The following PPP1R12B variants were observed in gnomAD, a reference collection of about 807,000 sequenced individuals.
PPP1R12B encodes protein phosphatase 1 regulatory subunit 12B, also known as myosin phosphatase target subunit 2.
In PPP1R12B, 76 loss-of-function variants were observed where a neutral mutation model predicts 126.1. The ratio of observed to expected loss-of-function variants is 0.60; its 90% CI spans 0.50 to 0.73. PPP1R12B has a LOEUF of 0.73. PPP1R12B is among the 30% of genes least tolerant of loss of function. The probability of loss-of-function intolerance (pLI) is 0.00; values close to 1 mark genes in which losing one functional copy is unlikely to be tolerated. For synonymous variants in PPP1R12B, 356 were observed against 434.7 expected, an observed-to-expected ratio of 0.82 and a Z score of 2.25; for missense variants, 1,052 against 1,205.1, an observed-to-expected ratio of 0.87 and a Z score of 1.88.
chr1:202,499,493 A>C (rs1022624330), intron 18 of PPP1R12B, among the ~76,000 whole-genome samples: 1 of 152,164 alleles, frequency 6.6e-6, no homozygotes, highest in African/African-American at 2.4e-5. Flanking sequence ...GGGCTCAAAC[A>C]GTCCTCCTGC....
rs1396939318 is a variant in PPP1R12B at position 202,508,659 on chromosome 1, G to A, written c.2490+11837G>A. On this transcript the variant is annotated intron_variant, in intron 18 of 23. Transcript: ENST00000608999. This position sits in a 1 kb window ranked among gnomAD's most constrained non-coding sequence, Gnocchi z 4.5. The stretch of plus-strand genomic sequence containing the variant: ...CTTTCAAAAGTGATATGCCAAATGG[G>A]CGAAACATGGGGCTGTTTATGGTGA... Among the ~76,000 whole-genome samples, 2 of 152,178 alleles carry A rather than the reference G, an allele frequency of 1.3e-5. No homozygotes were observed. The highest frequency in any genetic ancestry group is 1.9e-4 in the East Asian group (1 of 5,196).
chr1:202,437,340 A>C (rs934829907), intron 9 of PPP1R12B, among the ~76,000 whole-genome samples: 5 of 152,174 alleles, frequency 3.3e-5, no homozygotes, highest in Non-Finnish European at 5.9e-5. Flanking sequence ...TCAAAAAAAT[A>C]AAAATAAAAG....
At chr1:202,559,043 T>C (rs1687252762) in intron 19 of PPP1R12B, 150 bp downstream of exon 19, 22 of 836,548 alleles carry the variant, frequency 2.6e-5, no homozygotes, top group Middle Eastern at 4.9e-4. Context: ...ATTCAGACTT[T>C]TATTACCTCC....
intron 23 of PPP1R12B, chr1:202,576,169 A>G (rs963070794): frequency 6.6e-6 from 1 of 152,224 alleles, no homozygotes; most frequent in Admixed American, 6.5e-5. Flanking sequence ...TTTGCAAAGG[A>G]TATGGCAGGC....
intron 18 of PPP1R12B, among the ~76,000 whole-genome samples, chr1:202,521,376 A>G (rs1275971508): frequency 6.6e-6 from 1 of 152,176 alleles, no homozygotes; most frequent in Non-Finnish European, 1.5e-5. Flanking sequence ...AAGAGAACCC[A>G]ACAAATGAGA....
intron 20 of PPP1R12B, 90 bp from the exon 21 acceptor site, chr1:202,564,353 C>A: frequency 1.1e-6 from 1 of 913,948 alleles, no homozygotes; most frequent in Non-Finnish European, 1.7e-6. Flanking sequence ...ATAGTGGTGG[C>A]TTGGGGCACA....
chr1:202,476,181 G>A (rs1676620218), intron 13 of PPP1R12B, among the ~76,000 whole-genome samples: 2 of 148,868 alleles, frequency 1.3e-5, no homozygotes, highest in Admixed American at 6.7e-5. Context: ...CTCCAGCTTG[G>A]GCAACAGAGT....
chr1:202,373,753 T>G (rs1034678277), intron 1 of PPP1R12B, among the ~76,000 whole-genome samples: 35 of 152,162 alleles, frequency 2.3e-4, no homozygotes, highest in African/African-American at 8.0e-4. Context: ...TAAGGAATTT[T>G]CTTATTTCTA....
Position 202,416,842 on chromosome 1 carries a change from A to G in PPP1R12B, c.347A>G (p.Asn116Ser), listed in dbSNP as rs771903776. 25 of 1,613,966 alleles carry G rather than the reference A, an allele frequency of 1.5e-5. No individual in the cohort carries two copies. The highest frequency in any genetic ancestry group is 2.1e-5 in the Non-Finnish European group (25 of 1,179,974). Reference protein sequence around the residue: ...MVKFLVENRANVNQQDNEGWT... With the variant: ...MVKFLVENRASVNQQDNEGWT... ...AAGTTTCTGGTGGAGAACAGAGCCAATGTAAACCAGCAAGACAACGAGGGC... is the reference window on the plus strand; with the variant it reads ...AAGTTTCTGGTGGAGAACAGAGCCAGTGTAAACCAGCAAGACAACGAGGGC... The change falls in exon 2 of 24, where the codon AAT (asparagine) becomes AGT (serine). Residue 116 changes from asparagine to serine, a missense_variant. Transcript: ENST00000608999.
chr1:202,425,531 A>G, intron 3 of PPP1R12B, 35 bp from the exon 4 acceptor site: 7 of 1,604,556 alleles, frequency 4.4e-6, no homozygotes, highest in Non-Finnish European at 5.1e-6. Context: ...GTGGAGCTTT[A>G]GTAATCCTGG....
At chr1:202,429,125 G>A (rs1237309816) in intron 6 of PPP1R12B, among the ~76,000 whole-genome samples, 196 bp downstream of exon 6, 1 of 152,082 alleles carries the variant, frequency 6.6e-6, no homozygotes, top group Admixed American at 6.6e-5. Flanking sequence ...TATTGTTCAG[G>A]TTTTTTGCTC....
chr1:202,381,434 G>GTGTGTGTGTGTGTGTGTATA (rs71142528), intron 1 of PPP1R12B, among the ~76,000 whole-genome samples: 1 of 131,128 alleles, frequency 7.6e-6, no homozygotes, highest in Non-Finnish European at 1.6e-5. Flanking sequence ...GTGTGTGTGT[G>GTGTGTGTGTGTGTGTGTATA]TGTATCATCC....
chr1:202,532,336 C>A (rs1158686701), intron 18 of PPP1R12B, among the ~76,000 whole-genome samples: 1 of 152,134 alleles, frequency 6.6e-6, no homozygotes, highest in African/African-American at 2.4e-5. Flanking sequence ...TCTTTGTGAC[C>A]TGTATCTTGT....
At chr1:202,367,247 G>A (rs909691792) in intron 1 of PPP1R12B, among the ~76,000 whole-genome samples, 1 of 152,144 alleles carries the variant, frequency 6.6e-6, no homozygotes, top group Non-Finnish European at 1.5e-5. Flanking sequence ...GTTATGTTTA[G>A]TTAGTAAAGC....
At chr1:202,564,152 A>T (rs1687824586) in intron 20 of PPP1R12B, among the ~76,000 whole-genome samples, 1 of 152,168 alleles carries the variant, frequency 6.6e-6, no homozygotes. Flanking sequence ...CCAAAAAAAA[A>T]TTGTCTTTTT....
At chr1:202,435,388 CT>C (rs2148672487) in intron 9 of PPP1R12B, among the ~76,000 whole-genome samples, 1 of 152,334 alleles carries the variant, frequency 6.6e-6, no homozygotes, top group Admixed American at 6.5e-5. Context: ...GTTAAGATGC[CT>C]ACATGTAAAG....
chr1:202,358,690 A>G (rs909481226), intron 1 of PPP1R12B, among the ~76,000 whole-genome samples: 3 of 152,150 alleles, frequency 2.0e-5, no homozygotes, highest in Admixed American at 1.3e-4. Context: ...TCAAAAAAAA[A>G]AAAAAAAACT....
At chr1:202,537,423 A>G (rs1402063660) in intron 18 of PPP1R12B, among the ~76,000 whole-genome samples, 3 of 152,168 alleles carry the variant, frequency 2.0e-5, no homozygotes, top group African/African-American at 7.2e-5. Flanking sequence ...GTCTTATGCA[A>G]CCACCATTGT....
chr1:202,569,249 A>C, intron 23 of PPP1R12B, 52 bp downstream of exon 23: 1 of 1,554,422 alleles, frequency 6.4e-7, no homozygotes, highest in Non-Finnish European at 8.9e-7. Flanking sequence ...AATGCCTGCC[A>C]AGACTGGATA....
Sources: gnomAD v4.1 joint callset for allele counts (sites outside exome capture counted in the v4.1 genomes callset) on GRCh38, gnomAD v4.1.1 for gene constraint, Gnocchi (gnomAD v3.1) non-coding constraint, MANE v1.5 for transcripts, NCBI Gene and HGNC (gene_info 2026-07-23, HGNC 2026-07-21) for gene names.